Variants in SORCS3 observed in about 807,000 individuals in gnomAD.
SORCS3 encodes the protein sortilin related VPS10 domain containing receptor 3, also known as VPS10 domain-containing receptor SorCS3.
Under a neutral mutation model 146.3 loss-of-function variants are expected in SORCS3, and 57 were observed. The ratio of observed to expected loss-of-function variants is 0.39; its 90% CI spans 0.31 to 0.49. The LOEUF is 0.49. Among genes scored for constraint, SORCS3 ranks in the 20% least tolerant of loss-of-function variants. The pLI, the probability that SORCS3 is intolerant of heterozygous loss-of-function variation, is 0.92. For synonymous variants in SORCS3, 653 were observed against 618.5 expected (o/e 1.06, Z -0.83); for missense variants, 1,341 against 1,575.5 (o/e 0.85, Z 2.52).
At chr10:105,259,098 A>G (rs1442445013) in intron 25 of SORCS3, among the ~76,000 whole-genome samples, 1 of 152,204 alleles carries the variant, frequency 6.6e-6, no homozygotes, top group Non-Finnish European at 1.5e-5. Context: ...GGATTCCCAA[A>G]GTCTCCTTTG....
intron 6 of SORCS3, among the ~76,000 whole-genome samples, chr10:105,100,755 T>C (rs1564753869): frequency 6.6e-6 from 1 of 152,388 alleles, no homozygotes; most frequent in East Asian, 1.9e-4. Context: ...TATTATAAAT[T>C]GAATCTGTAA....
chr10:104,948,118 A>G (rs549950694), intron 3 of SORCS3, among the ~76,000 whole-genome samples: 9 of 152,276 alleles, frequency 5.9e-5, no homozygotes, highest in African/African-American at 1.9e-4. Flanking sequence ...CCAACTGCAT[A>G]TTGTCCACCT....
At chr10:104,684,653 C>G (rs2016020285) in intron 1 of SORCS3, among the ~76,000 whole-genome samples, 1 of 151,914 alleles carries the variant, frequency 6.6e-6, no homozygotes, top group South Asian at 2.1e-4. Flanking sequence ...TGCTTCTGTT[C>G]TTCAGATATC....
chr10:105,210,814 GTA>G (rs1564785691), intron 16 of SORCS3, among the ~76,000 whole-genome samples: 1 of 152,138 alleles, frequency 6.6e-6, no homozygotes. Context: ...GACTTAAAAT[GTA>G]TTTTTAACAG....
chr10:105,244,328 G>A (rs1302644886), intron 20 of SORCS3, among the ~76,000 whole-genome samples: 1 of 151,636 alleles, frequency 6.6e-6, no homozygotes, highest in Non-Finnish European at 1.5e-5. Flanking sequence ...GGTTTGAAAT[G>A]TACAGGTCCA....
intron 6 of SORCS3, among the ~76,000 whole-genome samples, chr10:105,094,288 G>A (rs775392078): frequency 4.6e-5 from 7 of 152,122 alleles, no homozygotes; most frequent in South Asian, 2.1e-4. Context: ...TGGTGGTTAC[G>A]TAAGTCTATA....
chr10:105,165,043 A>T (rs2119520951), intron 12 of SORCS3, among the ~76,000 whole-genome samples: 1 of 152,264 alleles, frequency 6.6e-6, no homozygotes, highest in Non-Finnish European at 1.5e-5. Flanking sequence ...TGTCAGAGGA[A>T]CTTAACTTTT....
At chr10:104,974,139 G>T (rs942140933) in intron 3 of SORCS3, among the ~76,000 whole-genome samples, 4 of 152,148 alleles carry the variant, frequency 2.6e-5, no homozygotes, top group African/African-American at 9.7e-5. Flanking sequence ...TTTGGAATAG[G>T]TGTGGTGTGG....
chr10:104,739,603 C>A (rs78055459), intron 1 of SORCS3, among the ~76,000 whole-genome samples: 4,826 of 152,206 alleles, frequency 0.032, 259 homozygotes, highest in African/African-American at 0.11. Context: ...CACAGTAGTC[C>A]CTGCAACAGG....
chr10:104,736,435 C>T (rs190141818), intron 1 of SORCS3, among the ~76,000 whole-genome samples: 6 of 152,284 alleles, frequency 3.9e-5, no homozygotes, highest in Admixed American at 6.5e-5. Flanking sequence ...ACATGGTACA[C>T]GGACACATGT....
At chr10:104,827,399 T>C (rs2133533828) in intron 1 of SORCS3, among the ~76,000 whole-genome samples, 1 of 152,324 alleles carries the variant, frequency 6.6e-6, no homozygotes, top group South Asian at 2.1e-4. Flanking sequence ...TTAATATCTT[T>C]GTACATCTCC....
intron 4 of SORCS3, among the ~76,000 whole-genome samples, chr10:105,002,651 T>A (rs138748169): frequency 6.6e-6 from 1 of 152,242 alleles, no homozygotes; most frequent in Admixed American, 6.5e-5. Context: ...ATGTGACTGG[T>A]TACCTACCCT....
At chr10:104,899,554 G>T (rs943597491) in intron 2 of SORCS3, among the ~76,000 whole-genome samples, 1 of 152,140 alleles carries the variant, frequency 6.6e-6, no homozygotes, top group African/African-American at 2.4e-5. Flanking sequence ...TTTCTGTTAT[G>T]CTCTCACACC....
At chr10:104,776,189 G>A (rs555432812) in intron 1 of SORCS3, among the ~76,000 whole-genome samples, 3 of 152,296 alleles carry the variant, frequency 2.0e-5, no homozygotes, top group East Asian at 1.9e-4. Flanking sequence ...GGAACATGTG[G>A]TTGTATGAAG....
At chr10:105,231,456 ATCATCTATGAACAAAT>A (rs1404949075) in intron 20 of SORCS3, among the ~76,000 whole-genome samples, 1 of 152,208 alleles carries the variant, frequency 6.6e-6, no homozygotes, top group Admixed American at 6.5e-5. Context: ...AAGCAATCAT[ATCATCTATGAACAAAT>A]AGTTTTCTTT....
rs187929849 is a variant in SORCS3, at chr10:105,249,450, G to A, written c.3105+2119G>A. The stretch of plus-strand genomic sequence containing the variant: ...CCCAAGGCAGAGGAGAAAGATCCAG[G>A]AAGGACATGGAGAAGGAGCTGACAG... On this transcript the variant is annotated intron_variant, in intron 22 of 26. Transcript: ENST00000369701. Among the ~76,000 whole-genome samples, 326 of 152,268 alleles carry A rather than the reference G, an allele frequency of 2.1e-3. 2 individuals are homozygous for A. Among genetic ancestry groups the A allele is most frequent in the African/African-American group, 7.3e-3 (305 of 41,554 alleles).
intron 1 of SORCS3, among the ~76,000 whole-genome samples, chr10:104,825,603 G>C (rs142923978): frequency 5.6e-4 from 85 of 152,284 alleles, no homozygotes; most frequent in Middle Eastern, 3.4e-3. Context: ...TGGAGTAATG[G>C]ACAGGCAGAA....
intron 3 of SORCS3, among the ~76,000 whole-genome samples, chr10:104,940,921 C>T (rs1048519482): frequency 6.6e-6 from 1 of 152,186 alleles, no homozygotes; most frequent in African/African-American, 2.4e-5. Flanking sequence ...AAAGAGCCCT[C>T]ATTGCCCAGT....
intron 1 of SORCS3, among the ~76,000 whole-genome samples, chr10:104,700,755 G>A (rs1019256649): frequency 6.6e-6 from 1 of 152,100 alleles, no homozygotes; most frequent in African/African-American, 2.4e-5. Context: ...GGTGCTCTCC[G>A]GTCCACACAG....
Sources: allele counts gnomAD v4.1 joint callset (sites outside exome capture counted in the v4.1 genomes callset), GRCh38; gene constraint gnomAD v4.1.1; transcripts MANE v1.5; gene names NCBI Gene and HGNC (gene_info 2026-07-23, HGNC 2026-07-21).